Variants in CAST observed in about 807,000 individuals in gnomAD.
CAST encodes MIR583 host.
In CAST, 76 loss-of-function variants were observed where a neutral mutation model predicts 119.6. The ratio of observed to expected loss-of-function variants is 0.64; its 90% CI spans 0.53 to 0.77. The LOEUF (loss-of-function observed/expected upper bound fraction) is 0.77. CAST is among the 30% of genes least tolerant of loss of function. The pLI, the probability that CAST is intolerant of heterozygous loss-of-function variation, is 0.00. For missense variants in CAST, 953 were observed against 946.5 expected, an observed-to-expected ratio of 1.01 and a Z score of -0.09; for synonymous variants, 319 against 331.6, an observed-to-expected ratio of 0.96 and a Z score of 0.41.
At chr5:96,491,490 CAAAAAAAAAAAAAAAAAAA>C in the CAST span, among the ~76,000 whole-genome samples, 3 of 56,782 alleles carry the variant, frequency 5.3e-5, no homozygotes, top group Admixed American at 2.4e-4. Context: ...GACTCCATCT[CAAAAAAAAAAAAAAAAAAA>C]AAAAAAAAAA....
chr5:96,198,054 A>T, the CAST span, among the ~76,000 whole-genome samples: 1 of 152,172 alleles, frequency 6.6e-6, no homozygotes, highest in Non-Finnish European at 1.5e-5. Context: ...GTGAATCACC[A>T]CGCTGGCCCA....
chr5:96,070,307 C>T, the CAST span, among the ~76,000 whole-genome samples: 8 of 152,182 alleles, frequency 5.3e-5, no homozygotes, highest in African/African-American at 1.9e-4. Context: ...TTTATGTAAG[C>T]ATCTTCCTAA....
the CAST span, among the ~76,000 whole-genome samples, chr5:96,103,843 C>G: frequency 4.6e-5 from 7 of 150,660 alleles, no homozygotes; most frequent in East Asian, 7.8e-4. Flanking sequence ...CCTATTTCTC[C>G]ACATCCTCTC....
the CAST span, among the ~76,000 whole-genome samples, chr5:96,178,314 G>A: frequency 6.6e-6 from 1 of 151,980 alleles, no homozygotes; most frequent in Admixed American, 6.5e-5. Flanking sequence ...GACCTTCTGA[G>A]GTCTTTAACT....
rs57243067 is a variant in CAST, at chr5:96,583,778, C to T, written c.60+53898C>T. On this transcript the variant is annotated intron_variant, in intron 1 of 11. Coordinates refer to the CAST transcript ENST00000505143. The stretch of plus-strand genomic sequence containing the variant: ...TGTGCATCTATTTATGTCATATACT[C>T]GTCAAAAAGACATTTGTATTGTTAC... Among the ~76,000 whole-genome samples the T allele has an allele frequency of 6.8e-3, 1,028 of 152,288 alleles. 12 individuals are homozygous for T. The highest frequency in any genetic ancestry group is 0.023 in the African/African-American group (954 of 41,554).
chr5:96,434,767 G>T, the CAST span, among the ~76,000 whole-genome samples: 1 of 152,184 alleles, frequency 6.6e-6, no homozygotes, highest in South Asian at 2.1e-4. Flanking sequence ...AAGCAAATGA[G>T]ACAAGACTTG....
the CAST span, among the ~76,000 whole-genome samples, chr5:96,087,393 T>C: frequency 3.3e-5 from 5 of 152,352 alleles, no homozygotes; most frequent in South Asian, 1.0e-3. Flanking sequence ...TTTTCCATTT[T>C]TTTAAGATTC....
the CAST span, among the ~76,000 whole-genome samples, chr5:96,381,924 T>G: frequency 6.6e-6 from 1 of 152,218 alleles, no homozygotes; most frequent in Non-Finnish European, 1.5e-5. Context: ...TACATAGAGT[T>G]ATATGGCATT....
chr5:96,040,576 G>A, the CAST span, among the ~76,000 whole-genome samples: 1 of 152,042 alleles, frequency 6.6e-6, no homozygotes, highest in Admixed American at 6.6e-5. Flanking sequence ...AGAGTTTTTA[G>A]CATGAAGGGC....
At chr5:96,708,638 G>A (rs1417081340) in intron 3 of CAST, among the ~76,000 whole-genome samples, 1 of 152,094 alleles carries the variant, frequency 6.6e-6, no homozygotes, top group African/African-American at 2.4e-5. Flanking sequence ...CCACAGTTGA[G>A]AGCCACCATG....
the CAST span, among the ~76,000 whole-genome samples, chr5:96,396,164 C>G: frequency 3.3e-5 from 5 of 151,966 alleles, no homozygotes; most frequent in South Asian, 4.2e-4. Context: ...TTTTAGCAGT[C>G]TTTAGGAGAA....
chr5:96,123,996 T>C, the CAST span, among the ~76,000 whole-genome samples: 1 of 152,162 alleles, frequency 6.6e-6, no homozygotes, highest in Admixed American at 6.5e-5. Context: ...TTTTTGCAGT[T>C]GGTTCTGTCA....
chr5:96,107,928 T>C, the CAST span, among the ~76,000 whole-genome samples: 1 of 152,084 alleles, frequency 6.6e-6, no homozygotes, highest in Non-Finnish European at 1.5e-5. Flanking sequence ...CATTTCTTTT[T>C]ATTCTTTTTT....
At chr5:96,243,013 A>G in the CAST span, among the ~76,000 whole-genome samples, 1 of 152,200 alleles carries the variant, frequency 6.6e-6, no homozygotes, top group Non-Finnish European at 1.5e-5. Context: ...GGACTACTCT[A>G]TAAATACGTT....
In CAST at chr5:96,598,721, G is replaced by A. The variant is rs116118352; in HGVS notation, c.60+68841G>A. Among the ~76,000 whole-genome samples the A allele has an allele frequency of 7.9e-3, 1,205 of 152,210 alleles. 30 individuals are homozygous for A. Among genetic ancestry groups the A allele is most frequent in the African/African-American group, 0.028 (1,171 of 41,512 alleles). On this transcript the variant is annotated intron_variant, in intron 1 of 11. Coordinates refer to the CAST transcript ENST00000505143. ...GGGTGTGTTTGTGAGGGTGTTTCTG[G>A]GTGAGATTAACATTTGAATCAGTAG...
the CAST span, chr5:96,429,262 G>C: frequency 1.6e-5 from 25 of 1,604,292 alleles, no homozygotes; most frequent in Non-Finnish European, 2.0e-5. Context: ...ACTCCTTCGA[G>C]ACCTTCTGGG....
chr5:96,637,308 G>A (rs1273719388), intron 1 of CAST, among the ~76,000 whole-genome samples: 1 of 152,174 alleles, frequency 6.6e-6, no homozygotes, highest in Non-Finnish European at 1.5e-5. Context: ...GGGAGGCCAG[G>A]TAGCTTGCTC....
chr5:96,022,699 T>C, the CAST span, among the ~76,000 whole-genome samples: 1 of 152,212 alleles, frequency 6.6e-6, no homozygotes, highest in South Asian at 2.1e-4. Flanking sequence ...ATTACACATA[T>C]ACAAAGAGAC....
the CAST span, among the ~76,000 whole-genome samples, chr5:96,395,529 A>G: frequency 6.6e-6 from 1 of 152,230 alleles, no homozygotes; most frequent in Non-Finnish European, 1.5e-5. Context: ...ATTCTCAGCA[A>G]ACCAACACAG....
Sources: gnomAD v4.1 joint callset for allele counts (sites outside exome capture counted in the v4.1 genomes callset) on GRCh38, gnomAD v4.1.1 for gene constraint, MANE v1.5 for transcripts, NCBI Gene and HGNC (gene_info 2026-07-23, HGNC 2026-07-21) for gene names.